Variants in ARSG observed in about 807,000 individuals in gnomAD.
ARSG encodes arylsulfatase G.
Under a neutral mutation model 50.5 loss-of-function variants are expected in ARSG, and 37 were observed. That is an observed-to-expected ratio of 0.73 (90% CI 0.56 to 0.96). ARSG has a LOEUF of 0.96. Ranked by LOEUF, ARSG falls within the 50% of genes least tolerant of loss-of-function variation. ARSG has a pLI of 0.00. For synonymous variants in ARSG, 225 were observed against 254.6 expected, an observed-to-expected ratio of 0.88 and a Z score of 1.11; for missense variants, 629 against 675.3, an observed-to-expected ratio of 0.93 and a Z score of 0.76.
At chr17:68,364,651 C>A (rs113968010) in intron 6 of ARSG, among the ~76,000 whole-genome samples, 1 of 152,250 alleles carries the variant, frequency 6.6e-6, no homozygotes, top group Non-Finnish European at 1.5e-5. Flanking sequence ...GTGAGGATAA[C>A]CTGTTTTAAT....
intron 4 of ARSG, 45 bp from the exon 5 acceptor site, chr17:68,351,530 G>C: frequency 9.6e-7 from 1 of 1,041,476 alleles, no homozygotes; most frequent in Non-Finnish European, 1.5e-6. Context: ...CAAGCACATG[G>C]AGTCGCAGCC....
intron 8 of ARSG, among the ~76,000 whole-genome samples, chr17:68,377,334 T>C (rs8066279): frequency 0.49 from 75,145 of 152,110 alleles, 19,561 homozygotes; most frequent in African/African-American, 0.65. Flanking sequence ...CTTGTTATAC[T>C]CGACTCCTCA....
At chr17:68,385,009 A>G in intron 8 of ARSG, 55 bp from the exon 9 acceptor site, 1 of 1,451,138 alleles carries the variant, frequency 6.9e-7, no homozygotes, top group Non-Finnish European at 9.7e-7. Context: ...CTTAGCTGAA[A>G]AGAAGTCTCG....
intron 11 of ARSG, among the ~76,000 whole-genome samples, chr17:68,406,904 T>C (rs1051855250): frequency 3.3e-5 from 5 of 152,356 alleles, no homozygotes; most frequent in East Asian, 1.9e-4. Flanking sequence ...TTTGTTCTTA[T>C]TGCATTTGCT....
intron 1 of ARSG, among the ~76,000 whole-genome samples, chr17:68,266,072 G>C (rs1386084860): frequency 6.6e-6 from 1 of 152,006 alleles, no homozygotes; most frequent in Non-Finnish European, 1.5e-5. Context: ...AACTGGTTGT[G>C]GTCTTTAACT....
chr17:68,321,084 C>G (rs879990931), intron 2 of ARSG, among the ~76,000 whole-genome samples: 1 of 152,056 alleles, frequency 6.6e-6, no homozygotes, highest in Non-Finnish European at 1.5e-5. Context: ...ACAGGAGGAT[C>G]GCTTGAGCCC....
chr17:68,392,154 T>C (rs2081023439), intron 9 of ARSG, among the ~76,000 whole-genome samples: 1 of 152,242 alleles, frequency 6.6e-6, no homozygotes, highest in African/African-American at 2.4e-5. Flanking sequence ...CCAGGGCCTC[T>C]TTCTTGGGAA....
chr17:68,355,055 T>C (rs1181205955), intron 5 of ARSG, among the ~76,000 whole-genome samples: 3 of 152,210 alleles, frequency 2.0e-5, no homozygotes, highest in Non-Finnish European at 4.4e-5. Flanking sequence ...TTACCACCTC[T>C]GTCTGCATTG....
intron 10 of ARSG, among the ~76,000 whole-genome samples, chr17:68,396,860 G>C: frequency 6.6e-6 from 1 of 152,198 alleles, no homozygotes; most frequent in East Asian, 1.9e-4. Flanking sequence ...TCCAGGCCTA[G>C]CCCTTCTCCC....
chr17:68,449,613 T>C, the ARSG span, among the ~76,000 whole-genome samples: 3 of 152,174 alleles, frequency 2.0e-5, no homozygotes, highest in Non-Finnish European at 4.4e-5. Context: ...TAGTGGGTAG[T>C]ACCCCCCACC....
At chr17:68,444,503 T>C in the ARSG span, 1 of 1,613,882 alleles carries the variant, frequency 6.2e-7, no homozygotes, top group African/African-American at 1.3e-5. Context: ...CTGTTGGGTT[T>C]GCAGGAATAT....
chr17:68,306,655 G>A (rs2076621176), intron 1 of ARSG, among the ~76,000 whole-genome samples: 1 of 152,152 alleles, frequency 6.6e-6, no homozygotes, highest in East Asian at 1.9e-4. Context: ...CAGCATTGGG[G>A]GCTGGTCCTG....
chr17:68,346,740 C>A (rs532306390), intron 3 of ARSG: 11 of 1,278,978 alleles, frequency 8.6e-6, no homozygotes, highest in Middle Eastern at 6.6e-4. Context: ...TGGGGCGGTG[C>A]ACCTGCACCC....
intron 2 of ARSG, among the ~76,000 whole-genome samples, chr17:68,341,581 G>A (rs189909125): frequency 4.7e-4 from 71 of 152,214 alleles, no homozygotes; most frequent in Non-Finnish European, 7.6e-4. Context: ...TTCTTTCTCC[G>A]TATCTCAATC....
intron 2 of ARSG, among the ~76,000 whole-genome samples, chr17:68,334,621 A>G (rs1430170086): frequency 6.6e-6 from 1 of 152,018 alleles, no homozygotes; most frequent in Non-Finnish European, 1.5e-5. Context: ...GGCGTTGACT[A>G]AGGTCGCCTC....
intron 1 of ARSG, among the ~76,000 whole-genome samples, chr17:68,302,853 C>A (rs1053158091): frequency 1.3e-5 from 2 of 152,132 alleles, no homozygotes; most frequent in African/African-American, 4.8e-5. Context: ...GATGGGCCTT[C>A]GTTGTGGGAT....
chr17:68,370,176 G>A lies in ARSG; in HGVS notation c.902-268G>A, dbSNP rs544337838. The stretch of plus-strand genomic sequence containing the variant: ...ATTATAGGTGCCCACCACCATGCCC[G>A]GCTAATTTTTGTATTTTTAGTAGAG... On this transcript the variant is annotated intron_variant, in intron 7 of 11. Transcript: ENST00000621439. 6.8e-4 allele frequency among the ~76,000 whole-genome samples: 104 copies of A among 152,042 alleles called. 1 individual carries two copies. The highest frequency in any genetic ancestry group is 2.3e-3 in the African/African-American group (97 of 41,484).
At chr17:68,361,177 A>C (rs950954542) in intron 6 of ARSG, among the ~76,000 whole-genome samples, 2 of 152,142 alleles carry the variant, frequency 1.3e-5, no homozygotes, top group African/African-American at 2.4e-5. Flanking sequence ...TGTACTACAC[A>C]TTGAAATCCT....
chr17:68,422,755 A>T (rs905693475), downstream of ARSG: 1 of 146,412 alleles, frequency 6.8e-6, no homozygotes, highest in East Asian at 2.0e-4. Context: ...AAAAAAAAAA[A>T]GGGAAGGTCA....
Sources: gnomAD v4.1 joint callset for allele counts (sites outside exome capture counted in the v4.1 genomes callset) on GRCh38, gnomAD v4.1.1 for gene constraint, MANE v1.5 for transcripts, NCBI Gene and HGNC (gene_info 2026-07-23, HGNC 2026-07-21) for gene names.